Variants in SEMA5A observed in about 807,000 individuals in gnomAD.
The protein encoded by SEMA5A is semaphorin 5A, also known as semaphorin-5A.
In SEMA5A, 55 loss-of-function variants were observed where a neutral mutation model predicts 135.5. The observed-to-expected ratio is 0.41, with a 90% CI of 0.33 to 0.51. The LOEUF (loss-of-function observed/expected upper bound fraction) is 0.51, where lower values mean the gene tolerates loss of function less well. Among genes scored for constraint, SEMA5A ranks in the 20% least tolerant of loss-of-function variants. The probability of loss-of-function intolerance (pLI) is 0.37; values close to 1 mark genes in which losing one functional copy is unlikely to be tolerated. For missense variants in SEMA5A, 1,290 were observed against 1,419.9 expected (o/e 0.91, Z 1.47); for synonymous variants, 580 against 546.5 (o/e 1.06, Z -0.85).
chr5:9,535,941 T>C (rs933670901), intron 1 of SEMA5A, among the ~76,000 whole-genome samples: 3 of 152,182 alleles, frequency 2.0e-5, no homozygotes, highest in Non-Finnish European at 4.4e-5. Flanking sequence ...TACTCAGAAC[T>C]GACTTAGATG....
At chr5:9,310,660 G>A (rs549790547) in intron 5 of SEMA5A, among the ~76,000 whole-genome samples, 103 of 151,660 alleles carry the variant, frequency 6.8e-4, no homozygotes, top group African/African-American at 2.3e-3. Flanking sequence ...ATAGTGTTAT[G>A]ACCCATTAGA....
intron 1 of SEMA5A, among the ~76,000 whole-genome samples, chr5:9,483,185 T>A (rs1240315987): frequency 1.3e-5 from 2 of 152,146 alleles, no homozygotes; most frequent in Non-Finnish European, 2.9e-5. Context: ...TCCCTCTCTC[T>A]CATTTTCTCT....
intron 11 of SEMA5A, among the ~76,000 whole-genome samples, chr5:9,186,335 G>A (rs1744808466): frequency 6.6e-6 from 1 of 152,198 alleles, no homozygotes; most frequent in Non-Finnish European, 1.5e-5. Flanking sequence ...ACACCAGCAA[G>A]AGAAGTCTAG....
intron 8 of SEMA5A, among the ~76,000 whole-genome samples, chr5:9,207,051 G>T (rs1427047869): frequency 7.4e-6 from 1 of 135,108 alleles, no homozygotes; most frequent in African/African-American, 2.7e-5. Context: ...ATGTCCCTTG[G>T]AATAATTTCT....
At chr5:9,238,950 T>A (rs1385211343) in intron 5 of SEMA5A, among the ~76,000 whole-genome samples, 1 of 152,112 alleles carries the variant, frequency 6.6e-6, no homozygotes, top group Admixed American at 6.6e-5. Context: ...TAGTGTCAAA[T>A]CATATGAAGG....
intron 5 of SEMA5A, among the ~76,000 whole-genome samples, chr5:9,314,278 G>A (rs1022592247): frequency 6.6e-6 from 1 of 151,104 alleles, no homozygotes; most frequent in African/African-American, 2.4e-5. Context: ...CCAATGGGGC[G>A]CACCAGCGAT....
In SEMA5A at chr5:9,521,604, G is replaced by A. The variant is rs145664392; in HGVS notation, c.-175+23980C>T. 1.2e-3 allele frequency among the ~76,000 whole-genome samples: 186 copies of A among 152,240 alleles called. 1 individual carries two copies. The highest frequency in any genetic ancestry group is 6.8e-3 in the Middle Eastern group (2 of 294). ...ACCGCTCGGTCTATTCCTGCTGAGC[G>A]GTTTATGAAATCTGCTGGAGCCCTC... On this transcript the variant is annotated intron_variant, in intron 1 of 22. Transcript: ENST00000382496.
Position 9,521,930 on chromosome 5 carries a change from C to T in SEMA5A, c.-175+23654G>A, listed in dbSNP as rs1158722453. Reference sequence around the variant, plus strand: ...GTTCAGGCTGCCTGTCACACCTGTCCTCAGGATCCTCCCTCCCTCTCTTTA... The same window carrying T: ...GTTCAGGCTGCCTGTCACACCTGTCTTCAGGATCCTCCCTCCCTCTCTTTA... On this transcript the variant is annotated intron_variant, in intron 1 of 22. Coordinates refer to ENST00000382496, the MANE Select transcript of SEMA5A (RefSeq NM_003966.3). Among the ~76,000 whole-genome samples, 3 of 152,270 alleles carry T rather than the reference C, an allele frequency of 2.0e-5. No individual in the cohort carries two copies. The East Asian group carries it at 5.8e-4, about 29-fold the overall frequency.
chr5:9,130,417 A>C lies in SEMA5A; in HGVS notation c.1599+6087T>G, dbSNP rs75105753. Among the ~76,000 whole-genome samples the C allele has an allele frequency of 8.4e-3, 1,279 of 152,322 alleles. 23 individuals carry two copies. Among genetic ancestry groups the C allele is most frequent in the African/African-American group, 0.029 (1,215 of 41,564 alleles). ...AAGCTTGTCTCATGCTATGATATCA[A>C]CTAAGCATCATCCCTAAGCCTATCT... On this transcript the variant is annotated intron_variant, in intron 13 of 22. Transcript: ENST00000382496.
chr5:9,483,640 G>GGGT (rs1211196962), intron 1 of SEMA5A, among the ~76,000 whole-genome samples: 1 of 152,108 alleles, frequency 6.6e-6, no homozygotes. Flanking sequence ...CCACAATACG[G>GGGT]ATCCTGAGTT....
intron 1 of SEMA5A, among the ~76,000 whole-genome samples, chr5:9,459,075 C>T (rs748123713): frequency 3.3e-5 from 5 of 152,022 alleles, no homozygotes; most frequent in South Asian, 2.1e-4. Context: ...ATATGCTATA[C>T]GTAGTATATA....
intron 4 of SEMA5A, among the ~76,000 whole-genome samples, chr5:9,325,995 T>C (rs940374701): frequency 6.6e-5 from 10 of 152,160 alleles, no homozygotes; most frequent in African/African-American, 9.7e-5. Flanking sequence ...TGTTGCTGAT[T>C]AATAAAAGTT....
intron 3 of SEMA5A, among the ~76,000 whole-genome samples, chr5:9,370,766 G>GT (rs1755103356): frequency 6.6e-6 from 1 of 152,150 alleles, no homozygotes; most frequent in Admixed American, 6.5e-5. Flanking sequence ...TCTCCCAAAT[G>GT]TAACCAAGGT....
intron 5 of SEMA5A, among the ~76,000 whole-genome samples, chr5:9,252,618 A>G (rs1214166269): frequency 6.6e-6 from 1 of 152,204 alleles, no homozygotes; most frequent in East Asian, 1.9e-4. Context: ...GACATTATGC[A>G]AACTGGTAAG....
At chr5:9,200,460 A>G (rs1745644328) in intron 9 of SEMA5A, among the ~76,000 whole-genome samples, 1 of 152,250 alleles carries the variant, frequency 6.6e-6, no homozygotes, top group South Asian at 2.1e-4. Flanking sequence ...GCAAATGCAC[A>G]TTTATCTTGG....
At chr5:9,225,389 TA>T (rs34806769) in intron 7 of SEMA5A, among the ~76,000 whole-genome samples, 9,466 of 42,720 alleles carry the variant, frequency 0.22, 611 homozygotes, top group Non-Finnish European at 0.23. Context: ...CCATCTCTAC[TA>T]AAAAAAAAAA....
chr5:9,086,290 GT>G (rs1219946550), intron 16 of SEMA5A, among the ~76,000 whole-genome samples: 7 of 152,112 alleles, frequency 4.6e-5, no homozygotes, highest in Non-Finnish European at 5.9e-5. Flanking sequence ...GAGTGATATG[GT>G]TTGGCTCTGT....
intron 1 of SEMA5A, among the ~76,000 whole-genome samples, chr5:9,466,704 T>C (rs1387131817): frequency 6.6e-6 from 1 of 152,244 alleles, no homozygotes; most frequent in Non-Finnish European, 1.5e-5. Context: ...TCCATGTTTA[T>C]CATAAATATT....
At chr5:9,429,068 G>C (rs1170936013) in intron 2 of SEMA5A, among the ~76,000 whole-genome samples, 1 of 152,156 alleles carries the variant, frequency 6.6e-6, no homozygotes, top group Middle Eastern at 3.2e-3. Flanking sequence ...GGACACAGAG[G>C]GGGTGTGACT....
Sources: gnomAD v4.1 joint callset for allele counts (sites outside exome capture counted in the v4.1 genomes callset) on GRCh38, gnomAD v4.1.1 for gene constraint, MANE v1.5 for transcripts, NCBI Gene and HGNC (gene_info 2026-07-23, HGNC 2026-07-21) for gene names.